ALYREF: variants seen among roughly 807,000 people sequenced by gnomAD.
ALYREF encodes the protein Aly/REF export factor.
A neutral mutation model predicts 25.2 loss-of-function variants in ALYREF; 1 was observed. The ratio of observed to expected loss-of-function variants is 0.04; its 90% confidence interval spans 0.01 to 0.19. The LOEUF is 0.19. ALYREF is among the 10% of genes least tolerant of loss of function. The probability of loss-of-function intolerance (pLI) is 1.00; values close to 1 mark genes in which losing one functional copy is unlikely to be tolerated. For missense variants in ALYREF, 328 were observed against 375.6 expected, an observed-to-expected ratio of 0.87 and a Z score of 1.05; for synonymous variants, 193 against 153.5, an observed-to-expected ratio of 1.26 and a Z score of -1.90.
At chr17:81,891,122 G>A (rs1037352249) in intron 1 of ALYREF, 4 of 636,196 alleles carry the variant, frequency 6.3e-6, no homozygotes, top group East Asian at 7.3e-5. Context: ...AAGGGTCTCA[G>A]CCTCCGGGAC....
In ALYREF at chr17:81,888,510, C is replaced by A. The variant is rs758822537; in HGVS notation, c.602+10G>T. 6.3e-7 allele frequency: 1 copy of A among 1,599,468 alleles called. No individual in the cohort carries two copies. The highest frequency in any genetic ancestry group is 1.7e-5 in the Admixed American group (1 of 57,526). On this transcript the variant is annotated intron_variant, in intron 4 of 5. Transcript: ENST00000505490. This position sits in a 1 kb window ranked among gnomAD's most constrained non-coding sequence, Gnocchi z 5.8. ...GGCCAATCCCCTTCCCCAGAGGCCC[C>A]GGAAGTCACCTCTGTGCAGGCCTCC...
intron 2 of ALYREF, 35 bp from the exon 3 acceptor site, chr17:81,889,364 A>G: frequency 1.2e-6 from 2 of 1,607,114 alleles, no homozygotes; most frequent in Non-Finnish European, 1.7e-6. Context: ...CAGAAAAGCA[A>G]CAAAACTGCG....
chr17:81,889,852 ACCT>A (rs1358225052), intron 2 of ALYREF: 1 of 155,112 alleles, frequency 6.4e-6, no homozygotes, highest in Non-Finnish European at 1.4e-5. Flanking sequence ...AACTGCCCTG[ACCT>A]CAGGCAGGCT....
At chr17:81,889,037 G>A in intron 3 of ALYREF, 145 bp downstream of exon 3, 1 of 1,462,364 alleles carries the variant, frequency 6.8e-7, no homozygotes, top group Non-Finnish European at 9.1e-7. Flanking sequence ...GGGGCAGCAT[G>A]AGAGGTGGCA....
Position 81,891,358 on chromosome 17 carries a change from C to T in ALYREF, c.223G>A (p.Gly75Arg). The change falls in exon 1 of 6, where the codon GGA becomes AGA. Residue 75 changes from glycine to arginine, a missense_variant. Transcript: ENST00000505490. ...GGCGCCGGTCGGTTCCTGCCGCCTC[C>T]GCCGGCCGCGCCGCGGGCGATGGCC... is the stretch of plus-strand genomic sequence containing the variant. ...RPAIARGAAGGGGRNRPAPYS... is the reference protein window; with the variant it reads ...RPAIARGAAGRGGRNRPAPYS... 9 of 1,153,236 alleles carry T rather than the reference C, an allele frequency of 7.8e-6. No individual in the cohort carries two copies. Among genetic ancestry groups the T allele is most frequent in the East Asian group, 4.8e-5 (1 of 20,824 alleles). The allele number at this position is 1,153,236 out of a possible 1,614,324, so 71.4% of individuals were successfully genotyped here. A position where few individuals can be genotyped will look rare whatever the true frequency, so the allele number is the denominator to read the frequency against.
intron 2 of ALYREF, among the ~76,000 whole-genome samples, chr17:81,890,235 G>A (rs1043907826): frequency 3.9e-5 from 6 of 152,158 alleles, no homozygotes; most frequent in Admixed American, 3.3e-4. Flanking sequence ...AAACCACAGC[G>A]TACAAGGTCT....
Position 81,888,076 on chromosome 17 carries a change from A to C in ALYREF, c.*55T>G. On this transcript the variant is annotated 3_prime_UTR_variant, in exon 6 of 6. Transcript: ENST00000505490. The surrounding 1 kb of genome is among the most constrained non-coding windows in gnomAD (Gnocchi z 5.8). ...CAGCCCCAGCCACCGCCCCCCAACCAGGGAGCAAGAGGAGACGCCTGGGTC... is the reference window on the plus strand; with the variant it reads ...CAGCCCCAGCCACCGCCCCCCAACCCGGGAGCAAGAGGAGACGCCTGGGTC... The C allele has an allele frequency of 6.2e-7, 1 of 1,609,630 alleles. No individual in the cohort carries two copies. Among genetic ancestry groups the C allele is most frequent in the East Asian group, 2.2e-5 (1 of 44,828 alleles).
chr17:81,890,730 C>A lies in ALYREF; in HGVS notation c.349G>T (p.Val117Leu). The change falls in exon 2 of 6, where the codon GTG becomes TTG. Residue 117 changes from valine to leucine, a missense_variant. Val to Leu is a conservative substitution (Grantham distance 32, BLOSUM62 1). Transcript: ENST00000505490. ...GAGACTCCAAAATCCAGATTGGACA[C>A]CAGCAGTTTCCCACCTGTCTCCACG... ...AGVETGGKLL[V>L]SNLDFGVSDA... 1.2e-6 allele frequency: 2 copies of A among 1,614,152 alleles called. No homozygotes were observed. Among genetic ancestry groups the A allele is most frequent in the Non-Finnish European group, 1.7e-6 (2 of 1,180,030 alleles).
At position 81,891,385 on chromosome 17, in the gene ALYREF, G is replaced by A; in HGVS notation, c.196C>T (p.Pro66Ser). Reference sequence around the variant, plus strand: ...CCGGCCGCGCCGCGGGCGATGGCCGGCCGGTTCCGGATGGGCCCGCCGCCT... The same window carrying A: ...CCGGCCGCGCCGCGGGCGATGGCCGACCGGTTCCGGATGGGCCCGCCGCCT... ...NRGGGPIRNR[P>S]AIARGAAGGG... The change falls in exon 1 of 6, where the codon CCG (proline) becomes TCG (serine). Residue 66 changes from proline to serine, a missense_variant. This residue lies in a region of ALYREF where 150 missense variants were observed against 135.3 expected (regional missense o/e 1.11). Transcript: ENST00000505490. 1.8e-6 allele frequency: 2 copies of A among 1,122,584 alleles called. No homozygotes were observed. The highest frequency in any genetic ancestry group is 1.1e-6 in the Non-Finnish European group (1 of 917,792). 69.5% of individuals were successfully genotyped at this position (1,122,584 alleles called of 1,614,324 possible). A position where few individuals can be genotyped will look rare whatever the true frequency, so the allele number is the denominator to read the frequency against.
chr17:81,890,881 C>T lies in ALYREF; in HGVS notation c.259-61G>A, dbSNP rs540755234. On this transcript the variant is annotated intron_variant, in intron 1 of 5. Coordinates refer to ENST00000505490, the MANE Select transcript of ALYREF (RefSeq NM_005782.4). Reference sequence around the variant, plus strand: ...GTCTCAGTCCAGGGCTTTCCTGACCCTCACGGCTACTCCGGACCCTTCCTC... The same window carrying T: ...GTCTCAGTCCAGGGCTTTCCTGACCTTCACGGCTACTCCGGACCCTTCCTC... The T allele has an allele frequency of 1.1e-5, 18 of 1,609,480 alleles. No homozygotes were observed. The African/African-American group carries it at 1.2e-4, about 11-fold the overall frequency.
chr17:81,889,346 G>A lies in ALYREF; in HGVS notation c.391-17C>T, dbSNP rs910522568. ...AAAGAGTTCCTGGGAGTTGCAGAGAGCAGTTGTCAGAAAAGCAACAAAACT... is the reference window on the plus strand; with the variant it reads ...AAAGAGTTCCTGGGAGTTGCAGAGAACAGTTGTCAGAAAAGCAACAAAACT... On this transcript the variant is annotated splice_polypyrimidine_tract_variant and intron_variant, in intron 2 of 5. Transcript: ENST00000505490. The A allele has an allele frequency of 3.7e-6, 6 of 1,609,936 alleles. No homozygotes were observed. The highest frequency in any genetic ancestry group is 3.3e-5 in the South Asian group (3 of 91,058).
At chr17:81,890,920 A>G in intron 1 of ALYREF, 100 bp from the exon 2 acceptor site, 2 of 1,548,920 alleles carry the variant, frequency 1.3e-6, no homozygotes, top group Non-Finnish European at 1.7e-6. Flanking sequence ...CCGGCCTGAG[A>G]GGATCCGGCC....
chr17:81,891,482 G>A lies in ALYREF; in HGVS notation c.99C>T (p.Gly33=), dbSNP rs1202082329. 1.6e-6 allele frequency: 2 copies of A among 1,214,164 alleles called. No homozygotes were observed. The highest frequency in any genetic ancestry group is 1.8e-5 in the South Asian group (1 of 54,106). The allele number at this position is 1,214,164 out of a possible 1,614,324, so 75.2% of individuals were successfully genotyped here. A position where few individuals can be genotyped will look rare whatever the true frequency, so the allele number is the denominator to read the frequency against. Residue 33 remains glycine, a synonymous_variant, in exon 1 of 6, where the codon GGC becomes GGT. Coordinates refer to ENST00000505490, the MANE Select transcript of ALYREF (RefSeq NM_005782.4). ...GGGAGCCGGCCCGGCCGCGGCCCCGGCCCCCGCCCCGGCCGCCTCGCTGGC... is the reference window on the plus strand; with the variant it reads ...GGGAGCCGGCCCGGCCGCGGCCCCGACCCCCGCCCCGGCCGCCTCGCTGGC... The part of the protein sequence containing the change: ...NRSQRGGRGG[G]RGRGRAGSQG...
chr17:81,890,647 T>C (rs1264359191), intron 2 of ALYREF, 42 bp downstream of exon 2: 5 of 1,606,510 alleles, frequency 3.1e-6, no homozygotes, highest in Non-Finnish European at 4.2e-6. Flanking sequence ...CGATCCGTCC[T>C]GTGCAGGGCG....
chr17:81,890,832 A>T lies in ALYREF; in HGVS notation c.259-12T>A, dbSNP rs1242707558. 4 of 1,613,808 alleles carry T rather than the reference A, an allele frequency of 2.5e-6. No homozygotes were observed. The highest frequency in any genetic ancestry group is 2.5e-6 in the Non-Finnish European group (3 of 1,179,974). ...GGAAGTTGTTTTGGCTGAAAAAAAA[A>T]CCGCAACAAGAGCAGATCTGTGAGT... On this transcript the variant is annotated splice_polypyrimidine_tract_variant and intron_variant, in intron 1 of 5. Coordinates refer to ENST00000505490, the MANE Select transcript of ALYREF (RefSeq NM_005782.4).
chr17:81,888,442 C>G lies in ALYREF; in HGVS notation c.603-24G>C, dbSNP rs373829037. The G allele has an allele frequency of 2.2e-5, 35 of 1,600,890 alleles. No homozygotes were observed. In the African/African-American group the frequency reaches 4.4e-4, roughly 20 times the overall value. ...CGCTAGCAAGGAAGACGAAACCGTTCACACACCCGGAAGGACCCTAAGAGC... is the reference window on the plus strand; with the variant it reads ...CGCTAGCAAGGAAGACGAAACCGTTGACACACCCGGAAGGACCCTAAGAGC... On this transcript the variant is annotated intron_variant, in intron 4 of 5. Coordinates refer to ENST00000505490, the MANE Select transcript of ALYREF (RefSeq NM_005782.4). This position sits in a 1 kb window ranked among gnomAD's most constrained non-coding sequence, Gnocchi z 5.8.
intron 1 of ALYREF, 96 bp from the exon 2 acceptor site, chr17:81,890,916 TGA>T: frequency 6.4e-7 from 1 of 1,554,126 alleles, no homozygotes; most frequent in Non-Finnish European, 8.7e-7. Context: ...CTTCCCGGCC[TGA>T]GAGGATCCGG....
Position 81,891,241 on chromosome 17 carries a change from C to T in ALYREF, c.258+82G>A, listed in dbSNP as rs1410465798. Reference sequence around the variant, plus strand: ...CACCAGCCTTATCCACCCGCCGGCCCGGGTCTCCGCCGCGAGCGGCCCCGG... The same window carrying T: ...CACCAGCCTTATCCACCCGCCGGCCTGGGTCTCCGCCGCGAGCGGCCCCGG... On this transcript the variant is annotated intron_variant, in intron 1 of 5. Transcript: ENST00000505490. 2.0e-5 allele frequency: 21 copies of T among 1,060,830 alleles called. No homozygotes were observed. In the South Asian group the frequency reaches 7.6e-4, roughly 38 times the overall value. 65.7% of individuals were successfully genotyped at this position (1,060,830 alleles called of 1,614,324 possible).
At position 81,890,689 on chromosome 17, in the gene ALYREF, C is replaced by T. The variant is rs773405608; in HGVS notation, c.390G>A (p.Gln130=). Residue 130 remains glutamine, a splice_region_variant and synonymous_variant, in exon 2 of 6, where the codon CAG becomes CAA. Transcript: ENST00000505490. ...TCACCGAGAAGCCCTCGTCTCTTACCTGAATATCGGCGTCTGAGACTCCAA... is the reference window on the plus strand; with the variant it reads ...TCACCGAGAAGCCCTCGTCTCTTACTTGAATATCGGCGTCTGAGACTCCAA... ...LDFGVSDADI[Q]ELFAEFGTLK... The T allele has an allele frequency of 3.1e-6, 5 of 1,613,868 alleles. No individual in the cohort carries two copies. The Admixed American group carries it at 8.3e-5, about 27-fold the overall frequency.
Sources: gnomAD v4.1 joint callset for allele counts (sites outside exome capture counted in the v4.1 genomes callset) on GRCh38, gnomAD v4.1.1 for gene constraint, gnomAD v4.1.1 regional missense constraint, Gnocchi (gnomAD v3.1) non-coding constraint, MANE v1.5 for transcripts, NCBI Gene and HGNC (gene_info 2026-07-23, HGNC 2026-07-21) for gene names.